Variants in KLHL42 observed in about 807,000 individuals in gnomAD.
KLHL42 encodes the protein kelch-like protein 42.
KLHL42 carries 27 observed loss-of-function variants against 32.7 expected under a neutral mutation model. The ratio of observed to expected loss-of-function variants is 0.83; its 90% CI spans 0.61 to 1.14. The LOEUF (loss-of-function observed/expected upper bound fraction) is 1.14, where lower values mean the gene tolerates loss of function less well. KLHL42 is among the 50% of genes most tolerant of loss of function. KLHL42 has a pLI of 0.00. For missense variants in KLHL42, 491 were observed against 560.8 expected (o/e 0.88, Z 1.26); for synonymous variants, 267 against 248.2 (o/e 1.08, Z -0.71).
rs909458565 is a variant in KLHL42, at chr12:27,800,378, T to A, written c.*2212T>A. The A allele has an allele frequency of 3.3e-4, 226 of 690,032 alleles. No individual in the cohort carries two copies. Among genetic ancestry groups the A allele is most frequent in the Middle Eastern group, 2.2e-3 (3 of 1,384 alleles). 42.7% of individuals were successfully genotyped at this position (690,032 alleles called of 1,614,324 possible). A position where few individuals can be genotyped will look rare whatever the true frequency, so the allele number is the denominator to read the frequency against. On this transcript the variant is annotated 3_prime_UTR_variant, in exon 3 of 3. Coordinates refer to ENST00000381271, the MANE Select transcript of KLHL42 (RefSeq NM_020782.2). ...TGTGTGTGTGTGTGTGTGTGTATGTTTGCATATTATAGCTCTCTTTAAGAC... is the reference window on the plus strand; with the variant it reads ...TGTGTGTGTGTGTGTGTGTGTATGTATGCATATTATAGCTCTCTTTAAGAC...
At chr12:27,784,538 C>G (rs61915423) in intron 1 of KLHL42, among the ~76,000 whole-genome samples, 23,720 of 152,064 alleles carry the variant, frequency 0.16, 2,378 homozygotes, top group Non-Finnish European at 0.23. Flanking sequence ...CACTTGAGCC[C>G]AGGAACTGAA....
chr12:27,792,230 C>T (rs966698603), intron 2 of KLHL42: 3 of 189,604 alleles, frequency 1.6e-5, no homozygotes, highest in South Asian at 1.2e-4. Flanking sequence ...TTGTGGGGGT[C>T]GCTCTCTGAG....
chr12:27,799,852 C>T lies in KLHL42; in HGVS notation c.*1686C>T, dbSNP rs930110123. The T allele has an allele frequency of 1.2e-5, 4 of 329,878 alleles. No homozygotes were observed. The highest frequency in any genetic ancestry group is 8.7e-6 in the Non-Finnish European group (2 of 230,602). 20.4% of individuals were successfully genotyped at this position (329,878 alleles called of 1,614,324 possible). On this transcript the variant is annotated 3_prime_UTR_variant, in exon 3 of 3. Coordinates refer to ENST00000381271, the MANE Select transcript of KLHL42 (RefSeq NM_020782.2). ...ATCTTGTCACCAAATAATCTTACCT[C>T]TAGTCTACTTACAACTTTGTAAGGG...
rs1178796785 is a variant in KLHL42, at chr12:27,800,045, T to G, written c.*1879T>G. On this transcript the variant is annotated 3_prime_UTR_variant, in exon 3 of 3. Transcript: ENST00000381271. ...TAATTTCATTACATATATTTTAAAA[T>G]CTATTTATTTTAGATGGTGTTAACT... The G allele has an allele frequency of 1.0e-6, 1 of 953,738 alleles. No individual in the cohort carries two copies. Among genetic ancestry groups the G allele is most frequent in the African/African-American group, 1.8e-5 (1 of 56,520 alleles). 59.1% of individuals were successfully genotyped at this position (953,738 alleles called of 1,614,324 possible). A position where few individuals can be genotyped will look rare whatever the true frequency, so the allele number is the denominator to read the frequency against.
chr12:27,790,490 C>T (rs2062191785), intron 1 of KLHL42, among the ~76,000 whole-genome samples: 1 of 152,134 alleles, frequency 6.6e-6, no homozygotes, highest in Admixed American at 6.5e-5. Context: ...CAGACTGACC[C>T]AACACTCCCA....
intron 1 of KLHL42, among the ~76,000 whole-genome samples, chr12:27,785,996 G>C (rs928216580): frequency 6.6e-6 from 1 of 152,174 alleles, no homozygotes; most frequent in Non-Finnish European, 1.5e-5. Context: ...AGTAGGTACT[G>C]TTCCCGCTGC....
chr12:27,790,229 A>G (rs2062190448), intron 1 of KLHL42, among the ~76,000 whole-genome samples: 1 of 152,212 alleles, frequency 6.6e-6, no homozygotes, highest in Non-Finnish European at 1.5e-5. Flanking sequence ...AGAAATTTGA[A>G]TGATAGTATT....
chr12:27,802,693 TCATTACTAGTAA>T lies in KLHL42; in HGVS notation c.*4528_*4539del, dbSNP rs1181099846. ...GCTTTCTCAAATGGATTGCCATAGTTCATTACTAGTAAAGAAAAGGAAAATGTGATTTACGTT... is the reference window on the plus strand; with the variant it reads ...GCTTTCTCAAATGGATTGCCATAGTTAGAAAAGGAAAATGTGATTTACGTT... On this transcript the variant is annotated 3_prime_UTR_variant, in exon 3 of 3. Coordinates refer to ENST00000381271, the MANE Select transcript of KLHL42 (RefSeq NM_020782.2). 12 of 152,640 alleles carry T rather than the reference TCATTACTAGTAA, an allele frequency of 7.9e-5. No homozygotes were observed. Among genetic ancestry groups the T allele is most frequent in the Non-Finnish European group, 1.0e-4 (7 of 68,048 alleles). 9.5% of individuals were successfully genotyped at this position (152,640 alleles called of 1,614,324 possible). A position where few individuals can be genotyped will look rare whatever the true frequency, so the allele number is the denominator to read the frequency against.
chr12:27,797,900 G>A lies in KLHL42; in HGVS notation c.1252G>A (p.Val418Met), dbSNP rs201570618. The change falls in exon 3 of 3, where the codon GTG becomes ATG. Residue 418 changes from valine to methionine, a missense_variant. By Grantham distance (21) the Val-to-Met change is conservative. Around this residue, in one of 4 missense-constraint regions of KLHL42, gnomAD observed 152 missense variants for 125.9 expected, o/e 1.21. Transcript: ENST00000381271. ...RSSQSEDMLT[V>M]QSYNTVTRQW... Reference sequence around the variant, plus strand: ...CAGCCAGAGCGAGGACATGCTCACCGTGCAGTCCTACAACACCGTCACCCG... The same window carrying A: ...CAGCCAGAGCGAGGACATGCTCACCATGCAGTCCTACAACACCGTCACCCG... 3.8e-6 allele frequency: 3 copies of A among 780,834 alleles called. No homozygotes were observed. Among genetic ancestry groups the A allele is most frequent in the Non-Finnish European group, 4.8e-6 (2 of 418,134 alleles). 48.4% of individuals were successfully genotyped at this position (780,834 alleles called of 1,614,324 possible).
At position 27,797,564 on chromosome 12, in the gene KLHL42, C is replaced by T. The variant is rs536395834; in HGVS notation, c.1067-151C>T. Reference sequence around the variant, plus strand: ...ATCTAAATATATCTCTTCCCAGCCACTTTGAAAACTGTTTTTCTAACTTGT... The same window carrying T: ...ATCTAAATATATCTCTTCCCAGCCATTTTGAAAACTGTTTTTCTAACTTGT... On this transcript the variant is annotated intron_variant, in intron 2 of 2. Coordinates refer to ENST00000381271, the MANE Select transcript of KLHL42 (RefSeq NM_020782.2). 7.7e-6 allele frequency: 5 copies of T among 651,088 alleles called. No homozygotes were observed. In the South Asian group the frequency reaches 9.5e-5, roughly 12 times the overall value. 40.3% of individuals were successfully genotyped at this position (651,088 alleles called of 1,614,324 possible). A position where few individuals can be genotyped will look rare whatever the true frequency, so the allele number is the denominator to read the frequency against.
rs2062139258 is a variant in KLHL42, at chr12:27,780,266, C to A, written c.-65C>A. 6 of 1,405,632 alleles carry A rather than the reference C, an allele frequency of 4.3e-6. No homozygotes were observed. The highest frequency in any genetic ancestry group is 5.6e-6 in the Non-Finnish European group (6 of 1,077,430). 87.1% of individuals were successfully genotyped at this position (1,405,632 alleles called of 1,614,324 possible). A position where few individuals can be genotyped will look rare whatever the true frequency, so the allele number is the denominator to read the frequency against. ...GCGCCCCGCCCGGAACCGGCGCGCG[C>A]GTAGGGGCTGGGAGGCCGGCGCGCA... On this transcript the variant is annotated 5_prime_UTR_variant, in exon 1 of 3. Coordinates refer to ENST00000381271, the MANE Select transcript of KLHL42 (RefSeq NM_020782.2). The surrounding 1 kb of genome is among the most constrained non-coding windows in gnomAD (Gnocchi z 8.8).
At chr12:27,782,352 C>T (rs1176273251) in intron 1 of KLHL42, among the ~76,000 whole-genome samples, 1 of 151,980 alleles carries the variant, frequency 6.6e-6, no homozygotes, top group African/African-American at 2.4e-5. Flanking sequence ...TACATAGTTA[C>T]AGAAAACTGG....
chr12:27,780,456 G>A lies in KLHL42; in HGVS notation c.126G>A (p.Leu42=). Residue 42 remains leucine, a synonymous_variant, in exon 1 of 3, where the codon CTG becomes CTA. Coordinates refer to ENST00000381271, the MANE Select transcript of KLHL42 (RefSeq NM_020782.2). The surrounding 1 kb of genome is among the most constrained non-coding windows in gnomAD (Gnocchi z 8.8). The part of the protein sequence containing the change: ...ALYRSGMREA[L]SQEAGGPEVQ... ...ACCGCTCCGGCATGCGCGAGGCCCT[G>A]AGCCAGGAGGCCGGCGGCCCGGAGG... 1.3e-6 allele frequency: 2 copies of A among 1,546,254 alleles called. No homozygotes were observed. The highest frequency in any genetic ancestry group is 1.7e-6 in the Non-Finnish European group (2 of 1,146,882).
intron 2 of KLHL42, among the ~76,000 whole-genome samples, chr12:27,795,536 T>C (rs768502333): frequency 3.3e-5 from 5 of 152,202 alleles, no homozygotes; most frequent in Admixed American, 6.5e-5. Context: ...CAGTTACTTA[T>C]ACTCTGAAGC....
intron 1 of KLHL42, among the ~76,000 whole-genome samples, chr12:27,787,301 C>T (rs2062176543): frequency 1.3e-5 from 2 of 151,752 alleles, no homozygotes; most frequent in South Asian, 4.2e-4. Context: ...TCGAGACCAG[C>T]CTGGCCAACG....
At position 27,802,695 on chromosome 12, in the gene KLHL42, A is replaced by G. The variant is rs1200386388; in HGVS notation, c.*4529A>G. 2 of 152,564 alleles carry G rather than the reference A, an allele frequency of 1.3e-5. No homozygotes were observed. The highest frequency in any genetic ancestry group is 6.5e-5 in the Admixed American group (1 of 15,268). The allele number at this position is 152,564 out of a possible 1,614,324, so 9.5% of individuals were successfully genotyped here. A position where few individuals can be genotyped will look rare whatever the true frequency, so the allele number is the denominator to read the frequency against. ...TTTCTCAAATGGATTGCCATAGTTC[A>G]TTACTAGTAAAGAAAAGGAAAATGT... On this transcript the variant is annotated 3_prime_UTR_variant, in exon 3 of 3. Transcript: ENST00000381271.
chr12:27,788,227 C>G (rs1233069515), intron 1 of KLHL42: 1 of 152,180 alleles, frequency 6.6e-6, no homozygotes, highest in East Asian at 1.9e-4. Flanking sequence ...ACTTCTTTCT[C>G]TACATAGGGG....
intron 2 of KLHL42, among the ~76,000 whole-genome samples, chr12:27,792,933 T>C (rs2062203672): frequency 6.6e-6 from 1 of 152,354 alleles, no homozygotes; most frequent in South Asian, 2.1e-4. Flanking sequence ...TTATTTTTTG[T>C]GGAGACAAGG....
At chr12:27,796,202 C>G (rs2062217757) in intron 2 of KLHL42, among the ~76,000 whole-genome samples, 1 of 152,212 alleles carries the variant, frequency 6.6e-6, no homozygotes, top group African/African-American at 2.4e-5. Flanking sequence ...GGACTTGGCT[C>G]TCTTAGGAGA....
Sources: allele counts gnomAD v4.1 joint callset (sites outside exome capture counted in the v4.1 genomes callset), GRCh38; gene constraint gnomAD v4.1.1; regional missense constraint gnomAD v4.1.1; non-coding constraint Gnocchi (gnomAD v3.1); transcripts MANE v1.5; gene names NCBI Gene and HGNC (gene_info 2026-07-23, HGNC 2026-07-21).